Variants in NEGR1 observed in about 807,000 individuals in gnomAD.
NEGR1 encodes IgLON family member 4.
NEGR1 carries 10 observed loss-of-function variants against 40.9 expected under a neutral mutation model. The observed-to-expected ratio is 0.24, with a 90% CI of 0.15 to 0.42. NEGR1 has a LOEUF of 0.42. Among genes scored for constraint, NEGR1 ranks in the 10% least tolerant of loss-of-function variants. The pLI is 1.00. For missense variants in NEGR1, 352 were observed against 438.9 expected (o/e 0.80, Z 1.77); for synonymous variants, 185 against 166.8 (o/e 1.11, Z -0.84).
chr1:72,122,095 C>A (rs1052744627), intron 1 of NEGR1, among the ~76,000 whole-genome samples: 1 of 151,844 alleles, frequency 6.6e-6, no homozygotes, highest in Non-Finnish European at 1.5e-5. Context: ...TGATATACTG[C>A]AAGAACATAT....
chr1:72,245,293 A>G (rs1333748211), intron 1 of NEGR1, among the ~76,000 whole-genome samples: 1 of 152,104 alleles, frequency 6.6e-6, no homozygotes, highest in African/African-American at 2.4e-5. Context: ...TTATTAGACT[A>G]AATTTTAAAT....
intron 6 of NEGR1, among the ~76,000 whole-genome samples, chr1:71,578,131 A>C (rs1649020180): frequency 6.6e-6 from 1 of 152,134 alleles, no homozygotes; most frequent in Non-Finnish European, 1.5e-5. Flanking sequence ...GGTATAATAC[A>C]CATAAACATT....
At chr1:71,855,313 A>G (rs1659726793) in intron 2 of NEGR1, among the ~76,000 whole-genome samples, 1 of 151,970 alleles carries the variant, frequency 6.6e-6, no homozygotes, top group Admixed American at 6.6e-5. Context: ...ATTTTTTTTC[A>G]CCAGTGAGAT....
At chr1:71,947,155 A>G (rs1646029424) in intron 1 of NEGR1, among the ~76,000 whole-genome samples, 1 of 147,922 alleles carries the variant, frequency 6.8e-6, no homozygotes, top group Admixed American at 6.8e-5. Context: ...TATATGGATA[A>G]CTTTATATAG....
At chr1:71,587,571 C>T (rs961713688) in intron 6 of NEGR1, among the ~76,000 whole-genome samples, 3 of 152,118 alleles carry the variant, frequency 2.0e-5, no homozygotes, top group East Asian at 1.9e-4. Flanking sequence ...CAGTTTTGAT[C>T]GGTCCTTTGA....
chr1:72,238,300 T>A (rs1387791473), intron 1 of NEGR1, among the ~76,000 whole-genome samples: 1 of 151,880 alleles, frequency 6.6e-6, no homozygotes, highest in African/African-American at 2.4e-5. Context: ...GGAATATAAA[T>A]AAATAAAATA....
At chr1:71,599,546 A>G (rs1381178409) in intron 5 of NEGR1, among the ~76,000 whole-genome samples, 2 of 152,204 alleles carry the variant, frequency 1.3e-5, no homozygotes, top group African/African-American at 4.8e-5. Context: ...GTGCTGCTTG[A>G]TACTTAAGGC....
intron 1 of NEGR1, among the ~76,000 whole-genome samples, chr1:72,249,501 T>C (rs1027094545): frequency 2.0e-5 from 3 of 152,180 alleles, no homozygotes; most frequent in African/African-American, 7.2e-5. Context: ...AGGAACTATA[T>C]ATATGGGCTA....
At chr1:71,640,098 C>T (rs1029105144) in intron 4 of NEGR1, among the ~76,000 whole-genome samples, 2 of 152,054 alleles carry the variant, frequency 1.3e-5, no homozygotes, top group South Asian at 2.1e-4. Context: ...TCTCTAAGAA[C>T]TAGTAATATT....
chr1:72,218,362 A>C (rs1653895166), intron 1 of NEGR1, among the ~76,000 whole-genome samples: 1 of 151,950 alleles, frequency 6.6e-6, no homozygotes, highest in South Asian at 2.1e-4. Context: ...TTTTTATTGA[A>C]GTCAAGTAAG....
intron 2 of NEGR1, among the ~76,000 whole-genome samples, chr1:71,863,316 G>A (rs1660008820): frequency 6.6e-6 from 1 of 152,130 alleles, no homozygotes; most frequent in South Asian, 2.1e-4. Flanking sequence ...GATGGAGCTG[G>A]AAGCCATTAT....
At chr1:72,168,997 T>C (rs1651867950) in intron 1 of NEGR1, among the ~76,000 whole-genome samples, 1 of 152,130 alleles carries the variant, frequency 6.6e-6, no homozygotes, top group Non-Finnish European at 1.5e-5. Flanking sequence ...CTTTATCAAA[T>C]GCATAGTAGC....
intron 1 of NEGR1, among the ~76,000 whole-genome samples, chr1:72,234,209 C>T (rs1654474463): frequency 6.6e-6 from 1 of 152,050 alleles, no homozygotes; most frequent in African/African-American, 2.4e-5. Context: ...TCATTTAGCT[C>T]CCACTAGTAA....
intron 6 of NEGR1, among the ~76,000 whole-genome samples, chr1:71,446,401 CATAGAATT>C (rs1309389122): frequency 6.6e-6 from 1 of 152,008 alleles, no homozygotes; most frequent in African/African-American, 2.4e-5. Flanking sequence ...TGAATTGTTT[CATAGAATT>C]ATGAAACAAG....
chr1:72,176,406 T>G (rs1287938432), intron 1 of NEGR1, among the ~76,000 whole-genome samples: 3 of 152,110 alleles, frequency 2.0e-5, no homozygotes, highest in Non-Finnish European at 4.4e-5. Flanking sequence ...TTGCCATCAA[T>G]ATATTCAAAC....
At chr1:72,107,098 A>T (rs1349880011) in intron 1 of NEGR1, among the ~76,000 whole-genome samples, 3 of 151,800 alleles carry the variant, frequency 2.0e-5, no homozygotes, top group African/African-American at 7.2e-5. Context: ...AGAAATAATC[A>T]CACGTAATCT....
intron 6 of NEGR1, among the ~76,000 whole-genome samples, chr1:71,523,948 A>G (rs1647184646): frequency 6.6e-6 from 1 of 151,802 alleles, no homozygotes; most frequent in Non-Finnish European, 1.5e-5. Flanking sequence ...TCATATTCTA[A>G]GTAATTTTAC....
intron 1 of NEGR1, among the ~76,000 whole-genome samples, chr1:72,088,328 T>G (rs1314585981): frequency 6.6e-6 from 1 of 152,124 alleles, no homozygotes; most frequent in African/African-American, 2.4e-5. Context: ...GAAGCAATAA[T>G]CTGTGGTTCA....
intron 3 of NEGR1, among the ~76,000 whole-genome samples, chr1:71,765,904 G>A (rs971231889): frequency 7.9e-5 from 12 of 151,780 alleles, no homozygotes; most frequent in African/African-American, 2.4e-4. Flanking sequence ...GGCCAGGCGC[G>A]GTGGCTCACG....
Sources: gnomAD v4.1 joint callset for allele counts (sites outside exome capture counted in the v4.1 genomes callset) on GRCh38, gnomAD v4.1.1 for gene constraint, MANE v1.5 for transcripts, NCBI Gene and HGNC (gene_info 2026-07-23, HGNC 2026-07-21) for gene names.